Variants in PUS7 observed in about 807,000 individuals in gnomAD.
PUS7 encodes pseudouridylate synthase 7 homolog.
PUS7 carries 48 observed loss-of-function variants against 79.8 expected under a neutral mutation model. The observed-to-expected ratio is 0.60, with a 90% CI of 0.48 to 0.76. The LOEUF (loss-of-function observed/expected upper bound fraction) is 0.76, where lower values mean the gene tolerates loss of function less well. PUS7 is among the 30% of genes least tolerant of loss of function. PUS7 has a pLI of 0.00. For missense variants in PUS7, 729 were observed against 797.6 expected (o/e 0.91, Z 1.04); for synonymous variants, 286 against 272.2 (o/e 1.05, Z -0.50).
intron 9 of PUS7, among the ~76,000 whole-genome samples, chr7:105,476,565 T>C (rs536573796): frequency 6.6e-5 from 10 of 151,990 alleles, no homozygotes; most frequent in Admixed American, 4.6e-4. Context: ...ACCATGTTGG[T>C]CAGGCTGGTC....
At chr7:105,521,196 G>A (rs1250054411) in intron 1 of PUS7, among the ~76,000 whole-genome samples, 2 of 152,080 alleles carry the variant, frequency 1.3e-5, no homozygotes, top group Non-Finnish European at 2.9e-5. Context: ...AGGCCAATGG[G>A]GCATAGTCAT....
chr7:105,471,984 A>G, intron 10 of PUS7, 148 bp downstream of exon 10: 2 of 576,896 alleles, frequency 3.5e-6, no homozygotes, highest in Non-Finnish European at 6.1e-6. Flanking sequence ...CTGTTGAAAA[A>G]TATAAATAAA....
chr7:105,466,255 G>T (rs1823639368), intron 12 of PUS7, among the ~76,000 whole-genome samples: 1 of 151,952 alleles, frequency 6.6e-6, no homozygotes, highest in Non-Finnish European at 1.5e-5. Context: ...AAAAGTAAAA[G>T]AAATTCTTTT....
chr7:105,494,399 G>C (rs982431447), intron 6 of PUS7, among the ~76,000 whole-genome samples: 47 of 138,496 alleles, frequency 3.4e-4, no homozygotes, highest in African/African-American at 1.1e-3. Flanking sequence ...TCCATGATCA[G>C]TGATTTTTTT....
intron 7 of PUS7, among the ~76,000 whole-genome samples, chr7:105,483,794 C>A (rs1824430334): frequency 6.6e-6 from 1 of 152,170 alleles, no homozygotes; most frequent in Non-Finnish European, 1.5e-5. Flanking sequence ...GTGCACCTGG[C>A]CATCTTTTTG....
At chr7:105,459,286 T>C in intron 14 of PUS7, 27 bp from the exon 15 acceptor site, 2 of 1,474,692 alleles carry the variant, frequency 1.4e-6, no homozygotes, top group South Asian at 2.4e-5. Context: ...TAAAGATAAG[T>C]GTGAATGTGA....
chr7:105,463,785 G>T (rs1823530585), intron 13 of PUS7, among the ~76,000 whole-genome samples: 1 of 151,854 alleles, frequency 6.6e-6, no homozygotes, highest in South Asian at 2.1e-4. Context: ...ATAAATTAAT[G>T]GATGGACAAA....
intron 14 of PUS7, among the ~76,000 whole-genome samples, chr7:105,460,964 C>G (rs1044942829): frequency 6.6e-6 from 1 of 152,014 alleles, no homozygotes; most frequent in Non-Finnish European, 1.5e-5. Flanking sequence ...ACCTTCCAGG[C>G]TCAAGCAATC....
In PUS7 at chr7:105,481,619, A is replaced by G. The variant is rs1382075977; in HGVS notation, c.1050-442T>C. ...CCAAAATGAAACTCTGTACCCCTAA[A>G]CAGTAACTTTCCATTACCCCTACCC... On this transcript the variant is annotated intron_variant, in intron 8 of 15. Coordinates refer to ENST00000469408, the MANE Select transcript of PUS7 (RefSeq NM_019042.5). Among the ~76,000 whole-genome samples, 3 of 152,048 alleles carry G rather than the reference A, an allele frequency of 2.0e-5. No homozygotes were observed. In the East Asian group the frequency reaches 5.8e-4, roughly 29 times the overall value.
intron 9 of PUS7, among the ~76,000 whole-genome samples, chr7:105,475,856 GC>G (rs1824086647): frequency 6.6e-6 from 1 of 151,880 alleles, no homozygotes; most frequent in African/African-American, 2.4e-5. Context: ...TATCCACCCA[GC>G]CCCCTAACCT....
rs374567108 is a variant in PUS7, at chr7:105,495,134, T to C, written c.842+8A>G. 82 of 1,496,180 alleles carry C rather than the reference T, an allele frequency of 5.5e-5. No individual in the cohort carries two copies. The Middle Eastern group carries it at 1.0e-3, about 19-fold the overall frequency. 92.7% of individuals were successfully genotyped at this position (1,496,180 alleles called of 1,614,324 possible). ...TGATTTTGTATAGGCATAACAACAG[T>C]AACTCACCTTAAGTATTTGGAGAGT... On this transcript the variant is annotated splice_region_variant and intron_variant, in intron 6 of 15. Coordinates refer to ENST00000469408, the MANE Select transcript of PUS7 (RefSeq NM_019042.5).
chr7:105,518,856 C>A (rs555882604), intron 1 of PUS7, among the ~76,000 whole-genome samples: 1 of 152,044 alleles, frequency 6.6e-6, no homozygotes, highest in Non-Finnish European at 1.5e-5. Context: ...GCAACCTCTG[C>A]CTCCCGGGTA....
At position 105,465,362 on chromosome 7, in the gene PUS7, A is replaced by G. The variant is rs973594428; in HGVS notation, c.1578T>C (p.Asp526=). 6.2e-7 allele frequency: 1 copy of G among 1,613,888 alleles called. No individual in the cohort carries two copies. The change falls in exon 13 of 16, where the codon GAT becomes GAC. Residue 526 remains aspartate, a synonymous_variant. Coordinates refer to ENST00000469408, the MANE Select transcript of PUS7 (RefSeq NM_019042.5). ...EDDVNNYSIH[D]VVMPLPGFDV... ...CGAAACCAGGCAAGGGCATTACCAC[A>G]TCATGGATAGAGTAATTATTAACAT...
chr7:105,488,041 C>T (rs892576508), intron 7 of PUS7, among the ~76,000 whole-genome samples: 3 of 152,074 alleles, frequency 2.0e-5, no homozygotes, highest in Admixed American at 6.6e-5. Flanking sequence ...AGCCTGTATC[C>T]GTGAGATAAG....
chr7:105,506,508 C>T (rs1348946390), intron 2 of PUS7, among the ~76,000 whole-genome samples: 1 of 151,814 alleles, frequency 6.6e-6, no homozygotes, highest in Non-Finnish European at 1.5e-5. Context: ...CTGCAACCTC[C>T]GCCTCCTGGG....
chr7:105,490,544 C>T (rs1180618570), intron 7 of PUS7, among the ~76,000 whole-genome samples: 1 of 152,156 alleles, frequency 6.6e-6, no homozygotes, highest in Non-Finnish European at 1.5e-5. Flanking sequence ...AATCCAGCCT[C>T]TATACACCAA....
At chr7:105,464,813 C>CTTTTTT (rs71152985) in intron 13 of PUS7, among the ~76,000 whole-genome samples, 2 of 95,230 alleles carry the variant, frequency 2.1e-5, no homozygotes, top group African/African-American at 7.4e-5. Context: ...CCCCTCTTCC[C>CTTTTTT]TTTTTTTTTT....
chr7:105,497,315 T>C (rs549202480), intron 5 of PUS7, among the ~76,000 whole-genome samples: 1 of 152,356 alleles, frequency 6.6e-6, no homozygotes, highest in Admixed American at 6.5e-5. Context: ...AAAAGAGATC[T>C]GTTTACTTAA....
chr7:105,458,013 A>G, intron 15 of PUS7, 87 bp from the exon 16 acceptor site: 1 of 1,468,610 alleles, frequency 6.8e-7, no homozygotes, highest in South Asian at 1.3e-5. Flanking sequence ...GCAAATACAA[A>G]GAACTGTGCT....
Sources: allele counts gnomAD v4.1 joint callset (sites outside exome capture counted in the v4.1 genomes callset), GRCh38; gene constraint gnomAD v4.1.1; transcripts MANE v1.5; gene names NCBI Gene and HGNC (gene_info 2026-07-23, HGNC 2026-07-21).